The following IGBP1C variants were observed in gnomAD, a reference collection of about 807,000 sequenced individuals.
The protein encoded by IGBP1C is IGBP1 family member C.
the IGBP1C span, chr17:58,666,503 CAACT>C: frequency 1.4e-4 from 14 of 98,870 alleles, no homozygotes; most frequent in African/African-American, 4.8e-4. Context: ...AGCTAATACA[CAACT>C]AACAAAACTT....
At chr17:58,667,453 C>G in the IGBP1C span, among the ~76,000 whole-genome samples, 2 of 152,134 alleles carry the variant, frequency 1.3e-5, no homozygotes, top group African/African-American at 4.8e-5. Context: ...AATAAAAACC[C>G]TAAAGCAAAC....
chr17:58,671,692 G>T, the IGBP1C span, among the ~76,000 whole-genome samples: 1 of 151,970 alleles, frequency 6.6e-6, no homozygotes, highest in South Asian at 2.1e-4. Flanking sequence ...CTTTCTCTGG[G>T]TCTCTGTGGA....
the IGBP1C span, among the ~76,000 whole-genome samples, chr17:58,663,307 A>G: frequency 6.7e-6 from 1 of 148,312 alleles, no homozygotes; most frequent in Non-Finnish European, 1.5e-5. Flanking sequence ...CTGTAATCCC[A>G]GCTACTTGGG....
chr17:58,676,569 G>C, the IGBP1C span, among the ~76,000 whole-genome samples: 442 of 151,930 alleles, frequency 2.9e-3, 16 homozygotes, highest in East Asian at 0.057. Flanking sequence ...TCAAACAAAA[G>C]AAAACAAAAC....
chr17:58,683,990 G>A, the IGBP1C span, among the ~76,000 whole-genome samples: 3 of 152,034 alleles, frequency 2.0e-5, no homozygotes, highest in South Asian at 2.1e-4. Flanking sequence ...GCTTGAACCC[G>A]AGAGACGGAG....
chr17:58,663,462 G>C, the IGBP1C span, among the ~76,000 whole-genome samples: 1 of 149,520 alleles, frequency 6.7e-6, no homozygotes, highest in East Asian at 2.0e-4. Context: ...CAATGTAACT[G>C]AATCTAAATT....
At chr17:58,676,923 T>A in the IGBP1C span, among the ~76,000 whole-genome samples, 1 of 151,850 alleles carries the variant, frequency 6.6e-6, no homozygotes, top group African/African-American at 2.4e-5. Context: ...CTGAGGCCAG[T>A]CTGGCCAGCA....
the IGBP1C span, among the ~76,000 whole-genome samples, chr17:58,668,741 A>G: frequency 6.6e-6 from 1 of 152,194 alleles, no homozygotes; most frequent in South Asian, 2.1e-4. Context: ...ACAGAAAATA[A>G]TCTGGATCAC....
the IGBP1C span, among the ~76,000 whole-genome samples, chr17:58,665,302 T>G: frequency 6.6e-6 from 1 of 151,636 alleles, no homozygotes; most frequent in Non-Finnish European, 1.5e-5. Context: ...CACATGAAAT[T>G]AACTTTATTA....
chr17:58,670,771 T>TCAAA, the IGBP1C span, among the ~76,000 whole-genome samples: 1 of 7,952 alleles, frequency 1.3e-4, no homozygotes, highest in African/African-American at 4.6e-4. Context: ...AGACTCCCTC[T>TCAAA]TAAAAAAAAA....
chr17:58,668,828 A>G, the IGBP1C span, among the ~76,000 whole-genome samples: 1 of 152,120 alleles, frequency 6.6e-6, no homozygotes, highest in African/African-American at 2.4e-5. Context: ...CCACCCTAAC[A>G]TCCTACCCAA....
the IGBP1C span, among the ~76,000 whole-genome samples, chr17:58,676,938 G>A: frequency 2.0e-5 from 3 of 152,008 alleles, no homozygotes; most frequent in Admixed American, 6.6e-5. Flanking sequence ...CCAGCATGGC[G>A]AAACCCCGTC....
At chr17:58,678,156 G>GA in the IGBP1C span, among the ~76,000 whole-genome samples, 3 of 151,266 alleles carry the variant, frequency 2.0e-5, no homozygotes, top group African/African-American at 7.3e-5. Context: ...ACTCAAGGGG[G>GA]AAAAAAAAGG....
the IGBP1C span, among the ~76,000 whole-genome samples, chr17:58,689,137 A>G: frequency 6.6e-6 from 1 of 152,048 alleles, no homozygotes; most frequent in South Asian, 2.1e-4. Context: ...TCACCGTGTT[A>G]GCCAGGATAG....
At chr17:58,673,584 G>A in the IGBP1C span, among the ~76,000 whole-genome samples, 1 of 151,830 alleles carries the variant, frequency 6.6e-6, no homozygotes, top group Non-Finnish European at 1.5e-5. Context: ...TTGAGACAGG[G>A]TCTTGTTCTG....
At chr17:58,691,945 A>C in the IGBP1C span, 1 of 152,554 alleles carries the variant, frequency 6.6e-6, no homozygotes, top group African/African-American at 2.4e-5. Context: ...TTACTTTTCC[A>C]GCTACTGCTT....
the IGBP1C span, chr17:58,661,560 G>A: frequency 1.3e-6 from 1 of 744,314 alleles, no homozygotes; most frequent in Non-Finnish European, 2.5e-6. Flanking sequence ...AGCTCGGGGA[G>A]CCGCGGCGGC....
At chr17:58,672,852 C>T in the IGBP1C span, among the ~76,000 whole-genome samples, 2 of 152,000 alleles carry the variant, frequency 1.3e-5, no homozygotes, top group East Asian at 3.9e-4. Context: ...CTGCTTCAGC[C>T]TCCTGAGTAG....
the IGBP1C span, among the ~76,000 whole-genome samples, chr17:58,673,126 AACTCTGAGGGG>A: frequency 2.6e-5 from 4 of 152,102 alleles, no homozygotes; most frequent in African/African-American, 9.7e-5. Flanking sequence ...GAAATTTTGA[AACTCTGAGGGG>A]ATGTTTTTGT....
Sources: allele counts gnomAD v4.1 joint callset (sites outside exome capture counted in the v4.1 genomes callset), GRCh38; gene constraint gnomAD v4.1.1; transcripts MANE v1.5; gene names NCBI Gene and HGNC (gene_info 2026-07-23, HGNC 2026-07-21).